The following E2F3 variants were observed in gnomAD, a reference collection of about 807,000 sequenced individuals.
E2F3 encodes E2F transcription factor 3, also known as transcription factor E2F3.
Under a neutral mutation model 44.4 loss-of-function variants are expected in E2F3, and 11 were observed. That is an observed-to-expected ratio of 0.25 (90% CI 0.16 to 0.41). E2F3 has a LOEUF of 0.41. Among genes scored for constraint, E2F3 ranks in the 10% least tolerant of loss-of-function variants. E2F3 has a pLI of 1.00. For missense variants in E2F3, 487 were observed against 583.6 expected, an observed-to-expected ratio of 0.83 and a Z score of 1.70; for synonymous variants, 249 against 253.0, an observed-to-expected ratio of 0.98 and a Z score of 0.15.
intron 1 of E2F3, among the ~76,000 whole-genome samples, chr6:20,455,023 A>G (rs1413419679): frequency 6.6e-6 from 1 of 152,172 alleles, no homozygotes; most frequent in East Asian, 1.9e-4. Context: ...TGTATATCGA[A>G]GTTAGTTTAA....
At chr6:20,482,069 G>C (rs1762240446) in intron 3 of E2F3, among the ~76,000 whole-genome samples, 1 of 152,114 alleles carries the variant, frequency 6.6e-6, no homozygotes, top group South Asian at 2.1e-4. Context: ...AAGCATTTTG[G>C]AAGGAATAAT....
At position 20,490,966 on chromosome 6, in the gene E2F3, A is replaced by C. The variant is rs1245425272; in HGVS notation, c.*536A>C. 1.3e-5 allele frequency: 3 copies of C among 229,620 alleles called. No homozygotes were observed. The highest frequency in any genetic ancestry group is 5.7e-5 in the Admixed American group (1 of 17,644). 14.2% of individuals were successfully genotyped at this position (229,620 alleles called of 1,614,324 possible). A position where few individuals can be genotyped will look rare whatever the true frequency, so the allele number is the denominator to read the frequency against. On this transcript the variant is annotated 3_prime_UTR_variant, in exon 7 of 7. Coordinates refer to ENST00000346618, the MANE Select transcript of E2F3 (RefSeq NM_001949.5). This position sits in a 1 kb window ranked among gnomAD's most constrained non-coding sequence, Gnocchi z 4.3. ...TGGATTTCTTCAGCTCTTCTTAGGA[A>C]TATTTAAATTACTGTCATAATTCAG...
chr6:20,431,033 G>GA lies in E2F3; in HGVS notation c.393+28416dup, dbSNP rs142194029. Among the ~76,000 whole-genome samples, 1,308 of 151,474 alleles carry GA rather than the reference G, an allele frequency of 8.6e-3. 20 individuals are homozygous for GA. The highest frequency in any genetic ancestry group is 0.029 in the African/African-American group (1,217 of 41,322). ...AAGAGAGACTCTGTCTCAAGAAAAAGAAAAAAAAGAATTAGATTATCTTTG... is the reference window on the plus strand; with the variant it reads ...AAGAGAGACTCTGTCTCAAGAAAAAGAAAAAAAAAGAATTAGATTATCTTTG... On this transcript the variant is annotated intron_variant, in intron 1 of 6. Coordinates refer to ENST00000346618, the MANE Select transcript of E2F3 (RefSeq NM_001949.5).
chr6:20,403,900 G>T (rs1233633782), intron 1 of E2F3: 11 of 1,027,886 alleles, frequency 1.1e-5, no homozygotes, highest in Non-Finnish European at 1.5e-5. Context: ...GGGGGCTGAA[G>T]CGGTGAGGGT....
chr6:20,459,547 AT>A (rs1167247924), intron 1 of E2F3, among the ~76,000 whole-genome samples: 2 of 152,104 alleles, frequency 1.3e-5, no homozygotes, highest in Admixed American at 6.5e-5. Flanking sequence ...TACATAGAAA[AT>A]TTTTTTATCT....
rs376318599 is a variant in E2F3, at chr6:20,486,688, C to T, written c.885-1C>T. On this transcript the variant is annotated splice_acceptor_variant, in intron 4 of 6. Transcript: ENST00000346618. LOFTEE classifies it high-confidence loss of function. Reference sequence around the variant, plus strand: ...ATGGAAGATTCCTTGACACTCTTTACGTTAGCTTATGTTACATATCAAGAT... The same window carrying T: ...ATGGAAGATTCCTTGACACTCTTTATGTTAGCTTATGTTACATATCAAGAT... 8.5e-6 allele frequency: 13 copies of T among 1,525,940 alleles called. No homozygotes were observed. Among genetic ancestry groups the T allele is most frequent in the African/African-American group, 1.4e-5 (1 of 72,756 alleles). 94.5% of individuals were successfully genotyped at this position (1,525,940 alleles called of 1,614,324 possible). A position where few individuals can be genotyped will look rare whatever the true frequency, so the allele number is the denominator to read the frequency against.
At chr6:20,481,718 A>T (rs373329274) in intron 3 of E2F3, among the ~76,000 whole-genome samples, 3 of 152,252 alleles carry the variant, frequency 2.0e-5, no homozygotes, top group African/African-American at 7.2e-5. Flanking sequence ...ACTGCTGTTC[A>T]TCTGTTACAT....
intron 1 of E2F3, among the ~76,000 whole-genome samples, chr6:20,443,940 A>T (rs1475912186): frequency 2.6e-5 from 4 of 152,168 alleles, no homozygotes; most frequent in Non-Finnish European, 5.9e-5. Context: ...GGCTGGGCTC[A>T]GTGTCTCACT....
chr6:20,474,209 C>G (rs1042285625), intron 1 of E2F3, among the ~76,000 whole-genome samples: 26 of 152,184 alleles, frequency 1.7e-4, no homozygotes, highest in African/African-American at 5.5e-4. Flanking sequence ...GTACCTGGGA[C>G]TACAGGCGCA....
chr6:20,403,023 T>C (rs1327985937), intron 1 of E2F3, among the ~76,000 whole-genome samples: 15 of 147,084 alleles, frequency 1.0e-4, no homozygotes, highest in Admixed American at 1.0e-3. Flanking sequence ...AGTAGTGAAC[T>C]GGGGTGTGGG....
Position 20,402,607 on chromosome 6 carries a change from C to A in E2F3, c.375C>A (p.Gly125=), listed in dbSNP as rs1242835497. ...CAGCGCTGGGACGCGGCGGCAGCGG[C>A]GGCGGCGGCGGCCCTCCGGTAATAC... is the stretch of plus-strand genomic sequence containing the variant. ...QPPALGRGGS[G]GGGGPPAKRR... The change falls in exon 1 of 7, where the codon GGC becomes GGA. Residue 125 remains glycine (G), a synonymous_variant. Coordinates refer to ENST00000346618, the MANE Select transcript of E2F3 (RefSeq NM_001949.5). This position sits in a 1 kb window ranked among gnomAD's most constrained non-coding sequence, Gnocchi z 5.6. 8 of 1,335,146 alleles carry A rather than the reference C, an allele frequency of 6.0e-6. No individual in the cohort carries two copies. In the East Asian group the frequency reaches 2.5e-4, roughly 42 times the overall value. 82.7% of individuals were successfully genotyped at this position (1,335,146 alleles called of 1,614,324 possible).
intron 1 of E2F3, among the ~76,000 whole-genome samples, chr6:20,409,966 T>C (rs1311623088): frequency 1.3e-5 from 2 of 152,114 alleles, no homozygotes; most frequent in Non-Finnish European, 2.9e-5. Context: ...CTCTGGAAAG[T>C]TTTTTGGCGA....
At chr6:20,471,093 A>C (rs988060766) in intron 1 of E2F3, among the ~76,000 whole-genome samples, 11 of 152,228 alleles carry the variant, frequency 7.2e-5, no homozygotes, top group Non-Finnish European at 1.5e-4. Context: ...ATGCTTTTCA[A>C]CTATTTGGTG....
intron 2 of E2F3, 67 bp from the exon 3 acceptor site, chr6:20,481,139 A>G (rs1455913578): frequency 6.8e-7 from 1 of 1,469,018 alleles, no homozygotes; most frequent in African/African-American, 1.4e-5. Context: ...CTTGACTGCA[A>G]AGACACCCTT....
chr6:20,410,480 G>A (rs1056413715), intron 1 of E2F3, among the ~76,000 whole-genome samples: 1 of 152,206 alleles, frequency 6.6e-6, no homozygotes, highest in African/African-American at 2.4e-5. Context: ...GGGTTAGGAA[G>A]TTGCAATGAG....
At chr6:20,479,116 G>A (rs1762137202) in intron 1 of E2F3, among the ~76,000 whole-genome samples, 2 of 152,200 alleles carry the variant, frequency 1.3e-5, no homozygotes, top group African/African-American at 4.8e-5. Context: ...GGCTTGATAA[G>A]AAAATGGAGA....
intron 1 of E2F3, among the ~76,000 whole-genome samples, chr6:20,472,642 G>T (rs1761930904): frequency 6.6e-6 from 1 of 151,952 alleles, no homozygotes; most frequent in African/African-American, 2.4e-5. Context: ...CTCCAGCTTG[G>T]GTAACAAAGC....
intron 1 of E2F3, among the ~76,000 whole-genome samples, chr6:20,420,438 GGTGTGTGTGTGT>G (rs35566563): frequency 6.7e-6 from 1 of 148,878 alleles, no homozygotes; most frequent in African/African-American, 2.5e-5. Flanking sequence ...GGCTTTCTCT[GGTGTGTGTGTGT>G]GTGTGTGTGT....
intron 6 of E2F3, among the ~76,000 whole-genome samples, chr6:20,489,811 C>CA (rs1762504417): frequency 6.6e-6 from 1 of 151,938 alleles, no homozygotes; most frequent in African/African-American, 2.4e-5. Flanking sequence ...CCTGTCTCTA[C>CA]AAAAAAAGAT....
Sources: allele counts gnomAD v4.1 joint callset (sites outside exome capture counted in the v4.1 genomes callset), GRCh38; gene constraint gnomAD v4.1.1; non-coding constraint Gnocchi (gnomAD v3.1); transcripts MANE v1.5; gene names NCBI Gene and HGNC (gene_info 2026-07-23, HGNC 2026-07-21).